AP3B1: variants seen among roughly 807,000 people sequenced by gnomAD.
AP3B1 encodes the protein adaptor related protein complex 3 subunit beta 1.
A neutral mutation model predicts 132.5 loss-of-function variants in AP3B1; 61 were observed. That is an observed-to-expected ratio of 0.46 (90% CI 0.37 to 0.57). AP3B1 has a LOEUF of 0.57. AP3B1 is among the 20% of genes least tolerant of loss of function. AP3B1 has a pLI of 0.00. For synonymous variants in AP3B1, 388 were observed against 438.3 expected (o/e 0.89, Z 1.43); for missense variants, 1,120 against 1,289.4 (o/e 0.87, Z 2.01).
rs183360877 is a variant in AP3B1, at chr5:78,118,645, C to T, written c.1969-2411G>A. Among the ~76,000 whole-genome samples, 714 of 152,320 alleles carry T rather than the reference C, an allele frequency of 4.7e-3. 4 individuals are homozygous for T. Among genetic ancestry groups the T allele is most frequent in the African/African-American group, 0.016 (665 of 41,574 alleles). ...TGGGGGAGGGGCGCCTGCCATTGCC[C>T]AGGCTTGATTAGGTAAACAAAGCAG... On this transcript the variant is annotated intron_variant, in intron 17 of 26. Coordinates refer to ENST00000255194, the MANE Select transcript of AP3B1 (RefSeq NM_003664.5).
rs1749680651 is a variant in AP3B1 at position 78,294,656 on chromosome 5, A to C, written c.-77T>G. The C allele has an allele frequency of 1.1e-5, 18 of 1,606,276 alleles. No homozygotes were observed. The highest frequency in any genetic ancestry group is 1.5e-5 in the Non-Finnish European group (18 of 1,177,536). On this transcript the variant is annotated 5_prime_UTR_variant, in exon 1 of 27. Transcript: ENST00000255194. ...AAGGTTCCAGTCCAGAGGGCACGGA[A>C]CAAAACTAGTTCTCGTACGGAGGAG...
chr5:78,178,034 T>G (rs1404018645), intron 8 of AP3B1, among the ~76,000 whole-genome samples: 1 of 152,148 alleles, frequency 6.6e-6, no homozygotes, highest in African/African-American at 2.4e-5. Context: ...AGACACTGAA[T>G]GAACTGCTCA....
At chr5:78,091,311 A>G (rs1422275053) in intron 21 of AP3B1, among the ~76,000 whole-genome samples, 1 of 150,286 alleles carries the variant, frequency 6.7e-6, no homozygotes, top group Non-Finnish European at 1.5e-5. Flanking sequence ...AATACAGTCC[A>G]TAAATGATAC....
At chr5:78,123,917 T>C (rs1303148331) in intron 17 of AP3B1, among the ~76,000 whole-genome samples, 5 of 152,216 alleles carry the variant, frequency 3.3e-5, no homozygotes, top group Non-Finnish European at 7.3e-5. Context: ...ATTGCGGCAC[T>C]ATTCACAATA....
intron 7 of AP3B1, among the ~76,000 whole-genome samples, chr5:78,193,742 T>TATATATA (rs1561469413): frequency 2.2e-3 from 202 of 90,528 alleles, no homozygotes; most frequent in Middle Eastern, 0.014. Context: ...GTATATATTT[T>TATATATA]TTTATATATA....
intron 2 of AP3B1, among the ~76,000 whole-genome samples, chr5:78,259,984 C>CA (rs945752964): frequency 2.2e-4 from 33 of 148,702 alleles, no homozygotes; most frequent in Admixed American, 1.1e-3. Context: ...AAACAAAAAA[C>CA]AAAAAAAAAT....
chr5:78,119,994 G>C (rs1350197637), intron 17 of AP3B1, among the ~76,000 whole-genome samples: 1 of 152,152 alleles, frequency 6.6e-6, no homozygotes, highest in African/African-American at 2.4e-5. Context: ...CTGATCTCTT[G>C]GCAGAAACTC....
At chr5:78,193,555 A>G (rs1007708791) in intron 7 of AP3B1, among the ~76,000 whole-genome samples, 1 of 151,260 alleles carries the variant, frequency 6.6e-6, no homozygotes, top group Non-Finnish European at 1.5e-5. Flanking sequence ...TCTAATATCT[A>G]ATTTTAATAT....
intron 7 of AP3B1, among the ~76,000 whole-genome samples, chr5:78,201,714 C>G (rs183615859): frequency 6.6e-6 from 1 of 152,026 alleles, no homozygotes; most frequent in Non-Finnish European, 1.5e-5. Flanking sequence ...GATTAACAGA[C>G]GAGTAAATGG....
At chr5:78,245,323 T>A (rs757150857) in intron 2 of AP3B1, among the ~76,000 whole-genome samples, 20 of 152,230 alleles carry the variant, frequency 1.3e-4, no homozygotes, top group Non-Finnish European at 2.9e-5. Flanking sequence ...CTTTAACTTA[T>A]CAGAGAGCAG....
At chr5:78,072,529 G>C (rs767739601) in intron 22 of AP3B1, among the ~76,000 whole-genome samples, 2 of 151,882 alleles carry the variant, frequency 1.3e-5, no homozygotes, top group East Asian at 1.9e-4. Flanking sequence ...TTTTTGGGGG[G>C]AGTATTATTT....
chr5:78,196,638 GATAA>G (rs1294918694), intron 7 of AP3B1, among the ~76,000 whole-genome samples: 2 of 152,092 alleles, frequency 1.3e-5, no homozygotes, highest in Non-Finnish European at 2.9e-5. Flanking sequence ...TAGGTGAGTG[GATAA>G]ATAAACTGTG....
chr5:78,181,924 T>C (rs1744389689), intron 7 of AP3B1, among the ~76,000 whole-genome samples: 1 of 152,146 alleles, frequency 6.6e-6, no homozygotes. Context: ...TAAATCCCCA[T>C]AGAAATACCT....
Position 78,228,236 on chromosome 5 carries a change from T to G in AP3B1, c.283A>C (p.Lys95Gln). Residue 95 changes from lysine to glutamine, a missense_variant, in exon 4 of 27, where the codon AAG becomes CAG. Transcript: ENST00000255194. Reference protein sequence around the residue: ...KNVASKNIEIKKLVYVYLVRY... With the variant: ...KNVASKNIEIQKLVYVYLVRY... ...ACCAGGTAAACATATACCAACTTCT[T>G]GATCTGTTAAAAAAAAATCATTTAT... 6.3e-7 allele frequency: 1 copy of G among 1,595,246 alleles called. No homozygotes were observed. The highest frequency in any genetic ancestry group is 1.4e-5 in the African/African-American group (1 of 70,946).
At chr5:78,099,210 C>A (rs143789253) in intron 21 of AP3B1, among the ~76,000 whole-genome samples, 1 of 152,178 alleles carries the variant, frequency 6.6e-6, no homozygotes, top group Non-Finnish European at 1.5e-5. Context: ...TCCAGAACTA[C>A]GAACAACTAA....
At chr5:78,251,611 C>G (rs894539715) in intron 2 of AP3B1, among the ~76,000 whole-genome samples, 1 of 152,200 alleles carries the variant, frequency 6.6e-6, no homozygotes, top group Non-Finnish European at 1.5e-5. Context: ...GGACCGAACT[C>G]AGCTGATGCC....
At chr5:78,053,147 A>G (rs753888111) in intron 22 of AP3B1, among the ~76,000 whole-genome samples, 3 of 152,216 alleles carry the variant, frequency 2.0e-5, no homozygotes, top group African/African-American at 4.8e-5. Context: ...TAAAAAAGAA[A>G]ATGCTAGTGT....
intron 2 of AP3B1, among the ~76,000 whole-genome samples, chr5:78,256,293 G>GA (rs1320131264): frequency 6.6e-6 from 1 of 151,658 alleles, no homozygotes; most frequent in Non-Finnish European, 1.5e-5. Context: ...AAAAAAAAGA[G>GA]AAAAATCCAA....
intron 22 of AP3B1, among the ~76,000 whole-genome samples, chr5:78,076,270 A>T (rs1749763975): frequency 6.6e-6 from 1 of 152,248 alleles, no homozygotes; most frequent in African/African-American, 2.4e-5. Context: ...TCTCAGGGCA[A>T]GAAGCTTTCC....
Sources: gnomAD v4.1 joint callset for allele counts (sites outside exome capture counted in the v4.1 genomes callset) on GRCh38, gnomAD v4.1.1 for gene constraint, MANE v1.5 for transcripts, NCBI Gene and HGNC (gene_info 2026-07-23, HGNC 2026-07-21) for gene names.